Variants in TMEFF1 observed in about 807,000 individuals in gnomAD.
TMEFF1 encodes the protein transmembrane protein with EGF like and two follistatin like domains 1, also known as tomoregulin-1.
A neutral mutation model predicts 47.5 loss-of-function variants in TMEFF1; 20 were observed. The observed-to-expected ratio is 0.42, with a 90% CI of 0.30 to 0.61. TMEFF1 has a LOEUF of 0.61. Among genes scored for constraint, TMEFF1 ranks in the 20% least tolerant of loss-of-function variants. The pLI is 0.19. For synonymous variants in TMEFF1, 162 were observed against 166.3 expected (o/e 0.97, Z 0.20); for missense variants, 411 against 471.1 (o/e 0.87, Z 1.18).
In TMEFF1 at chr9:100,473,868, G is replaced by T; in HGVS notation, c.196+128G>T. ...GTCCCAGGGGTGGGCCCGAGGGTGA[G>T]CGAGGGCGGAGGGCAGGGCGCGAGC... On this transcript the variant is annotated intron_variant, in intron 1 of 9. Transcript: ENST00000374879. This position sits in a 1 kb window ranked among gnomAD's most constrained non-coding sequence, Gnocchi z 5.4. 2.5e-6 allele frequency: 3 copies of T among 1,180,920 alleles called. No homozygotes were observed. The highest frequency in any genetic ancestry group is 3.3e-6 in the Non-Finnish European group (3 of 907,124). 73.2% of individuals were successfully genotyped at this position (1,180,920 alleles called of 1,614,324 possible). A position where few individuals can be genotyped will look rare whatever the true frequency, so the allele number is the denominator to read the frequency against.
intron 7 of TMEFF1, among the ~76,000 whole-genome samples, chr9:100,561,056 A>G (rs1176564632): frequency 1.3e-5 from 2 of 152,208 alleles, no homozygotes; most frequent in Admixed American, 1.3e-4. Context: ...TCTGTCTGTC[A>G]CAGAGGTGAA....
At chr9:100,474,975 C>T (rs755158617) in intron 1 of TMEFF1, among the ~76,000 whole-genome samples, 9 of 152,164 alleles carry the variant, frequency 5.9e-5, no homozygotes, top group Non-Finnish European at 1.2e-4. Context: ...GGAGGGTCTT[C>T]TTGGAGCTGG....
intron 1 of TMEFF1, among the ~76,000 whole-genome samples, chr9:100,478,820 C>G (rs952601273): frequency 6.6e-6 from 1 of 151,974 alleles, no homozygotes; most frequent in Non-Finnish European, 1.5e-5. Flanking sequence ...CTTTTTGGCT[C>G]TGGGATATTT....
chr9:100,526,955 C>CAA (rs55736750), intron 5 of TMEFF1, among the ~76,000 whole-genome samples: 1,927 of 38,958 alleles, frequency 0.049, 60 homozygotes, highest in Non-Finnish European at 0.061. Flanking sequence ...GCTAAAAATA[C>CAA]AAAAAAAAAA....
chr9:100,572,477 T>C (rs756425089), intron 8 of TMEFF1, 41 bp from the exon 9 acceptor site: 1 of 1,482,318 alleles, frequency 6.7e-7, no homozygotes, highest in Non-Finnish European at 8.9e-7. Flanking sequence ...AGTATCAAAA[T>C]TTGTAATTTT....
chr9:100,559,661 AT>A (rs554737653), intron 7 of TMEFF1, among the ~76,000 whole-genome samples: 174 of 152,290 alleles, frequency 1.1e-3, no homozygotes, highest in Non-Finnish European at 2.0e-3. Context: ...CTACTAGAAA[AT>A]ATAAAATTAC....
intron 7 of TMEFF1, among the ~76,000 whole-genome samples, chr9:100,555,895 C>T (rs1328272128): frequency 6.6e-6 from 1 of 152,128 alleles, no homozygotes; most frequent in Non-Finnish European, 1.5e-5. Context: ...ACCAAGTTTA[C>T]CCTCATTTTG....
At chr9:100,481,353 A>G (rs1047793445) in intron 1 of TMEFF1, among the ~76,000 whole-genome samples, 3 of 152,166 alleles carry the variant, frequency 2.0e-5, no homozygotes, top group African/African-American at 4.8e-5. Flanking sequence ...TTACATATTT[A>G]TTTGTGGAAT....
At chr9:100,559,993 G>T (rs114766499) in intron 7 of TMEFF1, among the ~76,000 whole-genome samples, 2 of 151,790 alleles carry the variant, frequency 1.3e-5, no homozygotes, top group Non-Finnish European at 2.9e-5. Context: ...CAGAAAATCC[G>T]CGTTTTTGGT....
At chr9:100,525,334 C>T (rs1039624191) in intron 5 of TMEFF1, among the ~76,000 whole-genome samples, 1 of 152,170 alleles carries the variant, frequency 6.6e-6, no homozygotes, top group African/African-American at 2.4e-5. Context: ...AGGCTACCCC[C>T]ACTTCTGCCC....
In TMEFF1 at chr9:100,509,533, G is replaced by T. The variant is rs544015265; in HGVS notation, c.436+399G>T. On this transcript the variant is annotated intron_variant, in intron 3 of 9. Transcript: ENST00000374879. ...TCACGCCTGTAATCCCAGCACTTTG[G>T]GAGGCTGAGGCGGGCAGATTACGAG... Among the ~76,000 whole-genome samples the T allele has an allele frequency of 8.5e-5, 13 of 152,256 alleles. No individual in the cohort carries two copies. The South Asian group carries it at 2.7e-3, about 32-fold the overall frequency.
intron 7 of TMEFF1, 51 bp downstream of exon 7, chr9:100,550,211 C>T: frequency 6.4e-7 from 1 of 1,570,192 alleles, no homozygotes; most frequent in East Asian, 2.3e-5. Flanking sequence ...AATACGGTCA[C>T]TAGCTGTCCT....
intron 5 of TMEFF1, among the ~76,000 whole-genome samples, chr9:100,534,795 C>T (rs1157816212): frequency 2.0e-5 from 3 of 152,104 alleles, no homozygotes; most frequent in East Asian, 3.8e-4. Flanking sequence ...TAAACAAAGC[C>T]ACTTGTTAAA....
intron 3 of TMEFF1, among the ~76,000 whole-genome samples, chr9:100,511,089 C>G (rs1324196532): frequency 1.3e-5 from 2 of 152,206 alleles, no homozygotes; most frequent in African/African-American, 4.8e-5. Context: ...TCTATACACA[C>G]TAAAATAATC....
rs542175860 is a variant in TMEFF1, at chr9:100,485,768, A to G, written c.196+12028A>G. Among the ~76,000 whole-genome samples the G allele has an allele frequency of 2.0e-5, 3 of 152,252 alleles. No homozygotes were observed. The South Asian group carries it at 6.2e-4, about 32-fold the overall frequency. On this transcript the variant is annotated intron_variant, in intron 1 of 9. Coordinates refer to ENST00000374879, the MANE Select transcript of TMEFF1 (RefSeq NM_003692.5). ...TCTTGAGCATTTAGGGGCTTGGCAT[A>G]CTTCTCATGTACTTGGAAATTCTAT... is the stretch of plus-strand genomic sequence containing the variant.
chr9:100,527,791 C>A (rs1838292674), intron 5 of TMEFF1, among the ~76,000 whole-genome samples: 4 of 152,216 alleles, frequency 2.6e-5, no homozygotes, highest in Non-Finnish European at 5.9e-5. Flanking sequence ...GGGGGCAGGG[C>A]ACAGACAAAC....
In TMEFF1 at chr9:100,491,785, A is replaced by T. The variant is rs115473493; in HGVS notation, c.197-6980A>T. Among the ~76,000 whole-genome samples, 847 of 152,242 alleles carry T rather than the reference A, an allele frequency of 5.6e-3. 6 individuals carry two copies. The highest frequency in any genetic ancestry group is 0.019 in the African/African-American group (798 of 41,542). On this transcript the variant is annotated intron_variant, in intron 1 of 9. Transcript: ENST00000374879. ...TTTAAAGTAGGGAGTCACAAAAATG[A>T]TTCATAAGTGCATGTAACATTTTAT...
intron 5 of TMEFF1, among the ~76,000 whole-genome samples, chr9:100,534,740 T>TA (rs1196521362): frequency 2.0e-5 from 3 of 152,232 alleles, no homozygotes; most frequent in Non-Finnish European, 4.4e-5. Flanking sequence ...GTCTTTTTCA[T>TA]ACATTTGATC....
chr9:100,502,536 T>A (rs940648437), intron 2 of TMEFF1, among the ~76,000 whole-genome samples: 38 of 151,702 alleles, frequency 2.5e-4, no homozygotes, highest in Non-Finnish European at 5.0e-4. Flanking sequence ...ATTAAAAAAA[T>A]TTTTTTTTGT....
Sources: allele counts gnomAD v4.1 joint callset (sites outside exome capture counted in the v4.1 genomes callset), GRCh38; gene constraint gnomAD v4.1.1; non-coding constraint Gnocchi (gnomAD v3.1); transcripts MANE v1.5; gene names NCBI Gene and HGNC (gene_info 2026-07-23, HGNC 2026-07-21).